Variants in ERICH5 observed in about 807,000 individuals in gnomAD.
The protein encoded by ERICH5 is glutamate rich 5.
In ERICH5, 24 loss-of-function variants were observed where a neutral mutation model predicts 28.0. That is an observed-to-expected ratio of 0.86 (90% CI 0.62 to 1.21). The LOEUF (loss-of-function observed/expected upper bound fraction) is 1.21, where lower values mean the gene tolerates loss of function less well. ERICH5 is among the 50% of genes most tolerant of loss of function. The pLI is 0.00. For synonymous variants in ERICH5, 163 were observed against 157.6 expected (o/e 1.03, Z -0.25); for missense variants, 421 against 441.2 (o/e 0.95, Z 0.41).
Position 98,093,446 on chromosome 8 carries a change from G to T in ERICH5, c.*113G>T. On this transcript the variant is annotated 3_prime_UTR_variant, in exon 3 of 3. Coordinates refer to ENST00000318528, the MANE Select transcript of ERICH5 (RefSeq NM_173549.3). The stretch of plus-strand genomic sequence containing the variant: ...TTTACATGTTTTCTGTAAGGAGTGT[G>T]GTTATAGAGAGACTGTTGGAACCAT... The T allele has an allele frequency of 1.6e-6, 1 of 642,314 alleles. No individual in the cohort carries two copies. The highest frequency in any genetic ancestry group is 2.9e-5 in the East Asian group (1 of 34,604). 39.8% of individuals were successfully genotyped at this position (642,314 alleles called of 1,614,324 possible).
In ERICH5 at chr8:98,093,354, A is replaced by G; in HGVS notation, c.*21A>G. The stretch of plus-strand genomic sequence containing the variant: ...CATAGATAGAAGAGTGAACCGACAC[A>G]GTGTGTTATCATAGAGGAGACAAAA... On this transcript the variant is annotated 3_prime_UTR_variant, in exon 3 of 3. Coordinates refer to ENST00000318528, the MANE Select transcript of ERICH5 (RefSeq NM_173549.3). 4 of 1,556,654 alleles carry G rather than the reference A, an allele frequency of 2.6e-6. No individual in the cohort carries two copies. The highest frequency in any genetic ancestry group is 3.5e-6 in the Non-Finnish European group (4 of 1,129,838).
At chr8:98,084,870 C>A (rs2130527826) in intron 1 of ERICH5, among the ~76,000 whole-genome samples, 1 of 152,180 alleles carries the variant, frequency 6.6e-6, no homozygotes, top group African/African-American at 2.4e-5. Flanking sequence ...ATGGGAGCAT[C>A]AGCACAATCA....
At chr8:98,082,325 C>G (rs1395023528) in intron 1 of ERICH5, among the ~76,000 whole-genome samples, 1 of 152,112 alleles carries the variant, frequency 6.6e-6, no homozygotes, top group Non-Finnish European at 1.5e-5. Context: ...TTGCCTACTT[C>G]CAGTGTACCA....
chr8:98,092,887 T>A lies in ERICH5; in HGVS notation c.1013-334T>A, dbSNP rs145790482. Reference sequence around the variant, plus strand: ...GCCTCCCGGCTTCAAGTGATTCTCTTGCCTCAGCCCCCCGAGTAGCTGGGA... The same window carrying A: ...GCCTCCCGGCTTCAAGTGATTCTCTAGCCTCAGCCCCCCGAGTAGCTGGGA... On this transcript the variant is annotated intron_variant, in intron 2 of 2. Transcript: ENST00000318528. Among the ~76,000 whole-genome samples the A allele has an allele frequency of 7.2e-5, 11 of 152,054 alleles. No individual in the cohort carries two copies. In the East Asian group the frequency reaches 1.9e-3, roughly 27 times the overall value.
chr8:98,080,457 T>C (rs1038644508), intron 1 of ERICH5, among the ~76,000 whole-genome samples: 1 of 152,202 alleles, frequency 6.6e-6, no homozygotes, highest in Non-Finnish European at 1.5e-5. Context: ...AAGAATAAGC[T>C]GAGGGTTATG....
intron 1 of ERICH5, among the ~76,000 whole-genome samples, chr8:98,070,660 CA>C (rs769042472): frequency 0.11 from 4,144 of 38,778 alleles, 93 homozygotes; most frequent in Admixed American, 0.29. Flanking sequence ...AACTGCATCT[CA>C]AAAAAAAAAA....
chr8:98,087,521 G>GCA (rs1314502772), intron 1 of ERICH5, among the ~76,000 whole-genome samples: 1 of 152,034 alleles, frequency 6.6e-6, no homozygotes, highest in Non-Finnish European at 1.5e-5. Flanking sequence ...AAAAGATGAA[G>GCA]AAAAAGATCC....
intron 2 of ERICH5, among the ~76,000 whole-genome samples, chr8:98,091,889 TTTCTTTCTTTC>T (rs1563759522): frequency 1.2e-5 from 1 of 86,238 alleles, no homozygotes; most frequent in Non-Finnish European, 2.3e-5. Flanking sequence ...TCTTTCTTTC[TTTCTTTCTTTC>T]CTTTCTTTCT....
intron 1 of ERICH5, among the ~76,000 whole-genome samples, chr8:98,079,227 G>GT (rs1283737842): frequency 7.3e-6 from 1 of 137,928 alleles, no homozygotes; most frequent in Non-Finnish European, 1.5e-5. Context: ...CTGGAATGCA[G>GT]TGGCGCAATC....
intron 1 of ERICH5, among the ~76,000 whole-genome samples, chr8:98,073,238 A>G (rs1814952893): frequency 6.6e-6 from 1 of 151,222 alleles, no homozygotes. Flanking sequence ...ATAGTACTTC[A>G]TAGAGTTGAG....
intron 1 of ERICH5, among the ~76,000 whole-genome samples, chr8:98,085,452 C>T (rs911027909): frequency 7.9e-5 from 12 of 152,054 alleles, no homozygotes; most frequent in African/African-American, 2.9e-4. Context: ...CGTGAGCCAC[C>T]GCTCCCGGCC....
chr8:98,091,945 C>CTT (rs1305381460), intron 2 of ERICH5, among the ~76,000 whole-genome samples: 3 of 23,322 alleles, frequency 1.3e-4, no homozygotes, highest in African/African-American at 3.9e-4. Context: ...TCCTTTCTTT[C>CTT]TTTCTTCTTT....
rs146230859 is a variant in ERICH5, at chr8:98,089,695, A to C, written c.678A>C (p.Glu226Asp). ...PLLETISKEN[E>D]SPEILEGSQF... ...TAGAAACAATTTCCAAAGAGAATGA[A>C]TCTCCAGAAATATTGGAAGGAAGTC... The change falls in exon 2 of 3, where the codon GAA (glutamate) becomes GAC (aspartate). Residue 226 changes from glutamate (E) to aspartate (D), a missense_variant. Transcript: ENST00000318528. The C allele has an allele frequency of 1.0e-3, 1,653 of 1,614,186 alleles. 3 individuals are homozygous for C. Among genetic ancestry groups the C allele is most frequent in the Middle Eastern group, 1.3e-3 (8 of 6,062 alleles).
chr8:98,066,357 G>A (rs1328109698), intron 1 of ERICH5, among the ~76,000 whole-genome samples: 1 of 152,172 alleles, frequency 6.6e-6, no homozygotes, highest in East Asian at 1.9e-4. Flanking sequence ...TATCCTAGGA[G>A]TAGCATCCTG....
At position 98,093,420 on chromosome 8, in the gene ERICH5, A is replaced by C. The variant is rs559916372; in HGVS notation, c.*87A>C. On this transcript the variant is annotated 3_prime_UTR_variant, in exon 3 of 3. Transcript: ENST00000318528. ...GTGGTTATGTATCTTATCTTTCTACATTTACATGTTTTCTGTAAGGAGTGT... is the reference window on the plus strand; with the variant it reads ...GTGGTTATGTATCTTATCTTTCTACCTTTACATGTTTTCTGTAAGGAGTGT... 1 of 836,646 alleles carries C rather than the reference A, an allele frequency of 1.2e-6. No homozygotes were observed. The highest frequency in any genetic ancestry group is 1.9e-6 in the Non-Finnish European group (1 of 527,028). The allele number at this position is 836,646 out of a possible 1,614,324, so 51.8% of individuals were successfully genotyped here. A position where few individuals can be genotyped will look rare whatever the true frequency, so the allele number is the denominator to read the frequency against.
chr8:98,091,883 T>TCTTTC (rs1554621721), intron 2 of ERICH5, among the ~76,000 whole-genome samples: 2 of 91,400 alleles, frequency 2.2e-5, no homozygotes, highest in Non-Finnish European at 4.3e-5. Flanking sequence ...TTTCTTTCTT[T>TCTTTC]CTTTCTTTCT....
chr8:98,067,177 A>T (rs1374398572), intron 1 of ERICH5, among the ~76,000 whole-genome samples: 1 of 152,228 alleles, frequency 6.6e-6, no homozygotes, highest in African/African-American at 2.4e-5. Context: ...GCTCATGCTT[A>T]TAATCCCAAT....
chr8:98,070,841 A>C (rs1814904475), intron 1 of ERICH5, among the ~76,000 whole-genome samples: 1 of 152,040 alleles, frequency 6.6e-6, no homozygotes, highest in Non-Finnish European at 1.5e-5. Context: ...GAACCTAATG[A>C]ATACCAGAAA....
chr8:98,089,048 T>C, intron 1 of ERICH5, 28 bp from the exon 2 acceptor site: 2 of 1,521,718 alleles, frequency 1.3e-6, no homozygotes, highest in Middle Eastern at 1.7e-4. Flanking sequence ...TTCTCTTTTC[T>C]TTTTCTTTTT....
Sources: allele counts gnomAD v4.1 joint callset (sites outside exome capture counted in the v4.1 genomes callset), GRCh38; gene constraint gnomAD v4.1.1; transcripts MANE v1.5; gene names NCBI Gene and HGNC (gene_info 2026-07-23, HGNC 2026-07-21).